LOC400499: variants seen among roughly 807,000 people sequenced by gnomAD.
chr16:11,431,776 C>G, the LOC400499 span, among the ~76,000 whole-genome samples: 4 of 152,170 alleles, frequency 2.6e-5, no homozygotes, highest in Admixed American at 2.0e-4. Flanking sequence ...GCACCTATGG[C>G]CAGCTCTTCC....
At chr16:11,382,150 C>G in the LOC400499 span, among the ~76,000 whole-genome samples, 2 of 152,122 alleles carry the variant, frequency 1.3e-5, no homozygotes, top group South Asian at 4.2e-4. Context: ...GTTGGCCAGG[C>G]TGGTCTCAAA....
At chr16:11,492,548 G>A in the LOC400499 span, among the ~76,000 whole-genome samples, 30,923 of 151,728 alleles carry the variant, frequency 0.2, 3,246 homozygotes, top group African/African-American at 0.25. Flanking sequence ...CTTTTGGGAA[G>A]CCGAGCTGGG....
the LOC400499 span, chr16:11,398,287 G>A: frequency 6.6e-6 from 8 of 1,219,870 alleles, no homozygotes; most frequent in Non-Finnish European, 7.2e-6. Context: ...CACCCTCACT[G>A]CTGCCCCCTC....
the LOC400499 span, among the ~76,000 whole-genome samples, chr16:11,476,180 G>A: frequency 4.0e-5 from 6 of 151,828 alleles, no homozygotes; most frequent in Non-Finnish European, 5.9e-5. Context: ...TGAGGGGCAG[G>A]GAACAGGGGC....
At chr16:11,493,217 A>C in the LOC400499 span, among the ~76,000 whole-genome samples, 11 of 152,240 alleles carry the variant, frequency 7.2e-5, no homozygotes, top group Non-Finnish European at 1.3e-4. Flanking sequence ...GTAAAGGGAC[A>C]GAGAACTCTT....
chr16:11,455,506 A>T, the LOC400499 span, among the ~76,000 whole-genome samples: 1 of 152,126 alleles, frequency 6.6e-6, no homozygotes, highest in African/African-American at 2.4e-5. Flanking sequence ...AGGCCAAAGA[A>T]GGTGGATCAC....
the LOC400499 span, among the ~76,000 whole-genome samples, chr16:11,434,093 G>A: frequency 6.6e-6 from 1 of 152,116 alleles, no homozygotes; most frequent in Non-Finnish European, 1.5e-5. Context: ...GTGAGGGGGA[G>A]GATCCCTCCT....
At chr16:11,404,575 G>A in the LOC400499 span, 970 of 394,108 alleles carry the variant, frequency 2.5e-3, 12 homozygotes, top group African/African-American at 0.017. Context: ...TCAAACTCCT[G>A]ACCTCGAGTG....
chr16:11,383,597 C>T, the LOC400499 span: 2 of 1,232,116 alleles, frequency 1.6e-6, no homozygotes, highest in Non-Finnish European at 2.0e-6. Context: ...GCCTGGAAGG[C>T]AGATGCCAGA....
At chr16:11,502,965 G>A in the LOC400499 span, among the ~76,000 whole-genome samples, 4,908 of 129,546 alleles carry the variant, frequency 0.038, 117 homozygotes, top group Non-Finnish European at 0.052. Context: ...TCTGTCTCCC[G>A]GGATGGAGTG....
chr16:11,475,742 G>C, the LOC400499 span: 50 of 398,674 alleles, frequency 1.3e-4, no homozygotes, highest in Admixed American at 8.8e-5. Context: ...GACAGTGTCA[G>C]ACGCATCATT....
chr16:11,472,114 C>T, the LOC400499 span: 3 of 300,146 alleles, frequency 1.0e-5, no homozygotes, highest in Non-Finnish European at 1.2e-5. Context: ...CTACCAACAA[C>T]CAAATATTTC....
chr16:11,525,979 C>G, the LOC400499 span, among the ~76,000 whole-genome samples: 2 of 152,102 alleles, frequency 1.3e-5, no homozygotes, highest in African/African-American at 4.8e-5. Context: ...TCATCTCTAG[C>G]CAGCAAATGA....
the LOC400499 span, among the ~76,000 whole-genome samples, chr16:11,449,808 T>A: frequency 2.6e-5 from 4 of 152,238 alleles, no homozygotes; most frequent in Non-Finnish European, 5.9e-5. Context: ...AGCCATTTAT[T>A]TCCTTTCCTT....
the LOC400499 span, among the ~76,000 whole-genome samples, chr16:11,413,606 G>A: frequency 6.6e-6 from 1 of 152,176 alleles, no homozygotes; most frequent in Non-Finnish European, 1.5e-5. Context: ...TGCCAAGTCT[G>A]AGTCCCTATT....
At chr16:11,395,839 G>A in the LOC400499 span, among the ~76,000 whole-genome samples, 1 of 152,120 alleles carries the variant, frequency 6.6e-6, no homozygotes, top group East Asian at 1.9e-4. Context: ...CGCAGGCAGC[G>A]GGAACCGGTA....
the LOC400499 span, chr16:11,460,474 C>A: frequency 6.6e-7 from 1 of 1,519,596 alleles, no homozygotes; most frequent in Non-Finnish European, 8.8e-7. Flanking sequence ...CCTGGGAACC[C>A]ACCTTGTGGC....
the LOC400499 span, among the ~76,000 whole-genome samples, chr16:11,421,336 C>T: frequency 2.0e-5 from 3 of 152,288 alleles, no homozygotes; most frequent in Non-Finnish European, 4.4e-5. Context: ...CAACCCTAGA[C>T]CAGGGGTTGC....
the LOC400499 span, chr16:11,390,404 C>T: frequency 8.0e-7 from 1 of 1,249,516 alleles, no homozygotes. Flanking sequence ...TCCCGCCACA[C>T]CTCCTCCAGG....
Sources: allele counts gnomAD v4.1 joint callset (sites outside exome capture counted in the v4.1 genomes callset), GRCh38; gene constraint gnomAD v4.1.1; transcripts MANE v1.5.